The following QTMAN variants were observed in gnomAD, a reference collection of about 807,000 sequenced individuals.
The protein encoded by QTMAN is tRNA-queuosine alpha-mannosyltransferase.
At chr2:144,146,094 C>G in the QTMAN span, among the ~76,000 whole-genome samples, 88,390 of 147,630 alleles carry the variant, frequency 0.6, 27,381 homozygotes, top group East Asian at 0.84. Context: ...AGACTGACTG[C>G]GGAATACTTT....
chr2:144,022,542 ATCTCTC>A, the QTMAN span, among the ~76,000 whole-genome samples: 19 of 117,576 alleles, frequency 1.6e-4, no homozygotes, highest in Middle Eastern at 6.2e-3. Context: ...TTCTCATTCT[ATCTCTC>A]TCTCTCTCTC....
At chr2:143,993,487 C>G in the QTMAN span, among the ~76,000 whole-genome samples, 3 of 151,800 alleles carry the variant, frequency 2.0e-5, no homozygotes, top group African/African-American at 7.2e-5. Context: ...CTGGGTGGGC[C>G]CTCAATCCAA....
the QTMAN span, among the ~76,000 whole-genome samples, chr2:143,988,281 C>T: frequency 1.1e-4 from 17 of 152,286 alleles, no homozygotes; most frequent in South Asian, 3.1e-3. Context: ...CCCTGCAGTG[C>T]ACACTGGCAT....
chr2:144,209,773 C>A, the QTMAN span, among the ~76,000 whole-genome samples: 1 of 152,146 alleles, frequency 6.6e-6, no homozygotes, highest in African/African-American at 2.4e-5. Context: ...TCATTCCATG[C>A]ATAAATGCTA....
At chr2:143,956,955 G>C in the QTMAN span, among the ~76,000 whole-genome samples, 1 of 152,100 alleles carries the variant, frequency 6.6e-6, no homozygotes, top group Non-Finnish European at 1.5e-5. Flanking sequence ...CTCTTGAGAA[G>C]ACATCTGAAA....
At chr2:144,157,169 T>C in the QTMAN span, among the ~76,000 whole-genome samples, 1 of 152,136 alleles carries the variant, frequency 6.6e-6, no homozygotes, top group African/African-American at 2.4e-5. Flanking sequence ...ACAGTGTTTG[T>C]TTATTTTCTG....
the QTMAN span, among the ~76,000 whole-genome samples, chr2:144,260,432 T>C: frequency 6.6e-6 from 1 of 152,080 alleles, no homozygotes; most frequent in Admixed American, 6.6e-5. Flanking sequence ...TTGTTTAATT[T>C]TTTATCCTTA....
At chr2:144,309,497 C>T in the QTMAN span, among the ~76,000 whole-genome samples, 1 of 152,162 alleles carries the variant, frequency 6.6e-6, no homozygotes, top group African/African-American at 2.4e-5. Context: ...ACATCATGCT[C>T]TAAAGAGTAT....
At chr2:144,124,240 G>A in the QTMAN span, among the ~76,000 whole-genome samples, 4 of 152,196 alleles carry the variant, frequency 2.6e-5, no homozygotes, top group Middle Eastern at 3.4e-3. Flanking sequence ...ATGTAACTTT[G>A]TGGTACAGTT....
chr2:144,075,041 T>A, the QTMAN span, among the ~76,000 whole-genome samples: 1 of 152,192 alleles, frequency 6.6e-6, no homozygotes, highest in Non-Finnish European at 1.5e-5. Flanking sequence ...TTTGAGGAGG[T>A]AAGCAATACG....
chr2:144,007,117 T>G, the QTMAN span: 1 of 938,476 alleles, frequency 1.1e-6, no homozygotes, highest in Non-Finnish European at 1.6e-6. Flanking sequence ...ATTATGTCAA[T>G]CAACAGAATA....
the QTMAN span, among the ~76,000 whole-genome samples, chr2:144,106,485 T>A: frequency 3.0e-4 from 46 of 151,982 alleles, no homozygotes; most frequent in East Asian, 1.4e-3. Flanking sequence ...ACTTTAAACC[T>A]ACAAAGATCA....
chr2:144,239,624 T>C, the QTMAN span, among the ~76,000 whole-genome samples: 1 of 152,202 alleles, frequency 6.6e-6, no homozygotes, highest in Non-Finnish European at 1.5e-5. Flanking sequence ...CCCTTTTCTT[T>C]AAACTGCTCA....
chr2:143,968,436 G>A, the QTMAN span, among the ~76,000 whole-genome samples: 4 of 152,120 alleles, frequency 2.6e-5, no homozygotes, highest in African/African-American at 9.7e-5. Flanking sequence ...TTACTCACCT[G>A]TAATTACTGA....
the QTMAN span, among the ~76,000 whole-genome samples, chr2:144,146,232 T>C: frequency 0.02 from 3,005 of 148,336 alleles, 43 homozygotes; most frequent in Admixed American, 0.027. Flanking sequence ...ACTTATCTAG[T>C]ATGGTCTTTT....
At chr2:144,323,125 G>A in the QTMAN span, among the ~76,000 whole-genome samples, 4,900 of 152,164 alleles carry the variant, frequency 0.032, 248 homozygotes, top group African/African-American at 0.11. Context: ...AGTCTAAATA[G>A]TCACAGTTTG....
At chr2:144,323,323 G>C in the QTMAN span, among the ~76,000 whole-genome samples, 1 of 152,194 alleles carries the variant, frequency 6.6e-6, no homozygotes, top group African/African-American at 2.4e-5. Context: ...GTATGCTTAA[G>C]GGTCAAAATT....
At chr2:144,022,959 T>C in the QTMAN span, among the ~76,000 whole-genome samples, 3 of 152,168 alleles carry the variant, frequency 2.0e-5, no homozygotes, top group Admixed American at 1.3e-4. Context: ...TCAAAAAATA[T>C]GCATTTTTTA....
the QTMAN span, among the ~76,000 whole-genome samples, chr2:144,318,711 G>T: frequency 6.6e-6 from 1 of 152,188 alleles, no homozygotes; most frequent in African/African-American, 2.4e-5. Flanking sequence ...TTTGAATAAA[G>T]ATTTCAAGGT....
Sources: allele counts gnomAD v4.1 joint callset (sites outside exome capture counted in the v4.1 genomes callset), GRCh38; gene constraint gnomAD v4.1.1; transcripts MANE v1.5; gene names NCBI Gene and HGNC (gene_info 2026-07-23, HGNC 2026-07-21).